EWSR1: variants seen among roughly 807,000 people sequenced by gnomAD.
EWSR1 encodes the protein RNA-binding protein EWS.
In EWSR1, 14 loss-of-function variants were observed where a neutral mutation model predicts 92.1. That is an observed-to-expected ratio of 0.15 (90% confidence interval 0.10 to 0.24). The LOEUF (loss-of-function observed/expected upper bound fraction) is 0.24. Among genes scored for constraint, EWSR1 ranks in the 10% least tolerant of loss-of-function variants. The pLI is 1.00. For synonymous variants in EWSR1, 303 were observed against 292.9 expected (o/e 1.03, Z -0.35); for missense variants, 637 against 870.9 (o/e 0.73, Z 3.38).
intron 4 of EWSR1, chr22:29,277,473 G>C (rs941021823): frequency 4.4e-6 from 1 of 226,328 alleles, no homozygotes; most frequent in African/African-American, 2.2e-5. Flanking sequence ...TTAAGCTTGT[G>C]CTTCACATGA....
intron 11 of EWSR1, among the ~76,000 whole-genome samples, chr22:29,294,209 C>T (rs1278721635): frequency 6.6e-6 from 1 of 152,108 alleles, no homozygotes; most frequent in Non-Finnish European, 1.5e-5. Flanking sequence ...AAAGGTCTTG[C>T]AAATTTTACT....
At chr22:29,292,967 C>T (rs1602496557) in intron 11 of EWSR1, among the ~76,000 whole-genome samples, 1 of 151,972 alleles carries the variant, frequency 6.6e-6, no homozygotes, top group East Asian at 1.9e-4. Context: ...GCAGGCGGGT[C>T]TCAAACTCCT....
intron 1 of EWSR1, among the ~76,000 whole-genome samples, chr22:29,271,085 C>T (rs1232479141): frequency 6.6e-6 from 1 of 152,168 alleles, no homozygotes; most frequent in Non-Finnish European, 1.5e-5. Flanking sequence ...GCTTTGGATT[C>T]CATGAAGTGG....
intron 6 of EWSR1, among the ~76,000 whole-genome samples, chr22:29,286,072 C>T (rs1210663693): frequency 6.6e-6 from 1 of 152,030 alleles, no homozygotes; most frequent in African/African-American, 2.4e-5. Context: ...ATCTCTTGAC[C>T]TCATGATGTG....
intron 6 of EWSR1, 47 bp from the exon 7 acceptor site, chr22:29,286,875 GC>G (rs1398243871): frequency 6.9e-7 from 1 of 1,442,724 alleles, no homozygotes; most frequent in South Asian, 1.2e-5. Flanking sequence ...GAAATAACAA[GC>G]CTCTTTCTAA....
At chr22:29,274,360 T>G in intron 4 of EWSR1, 1 of 1,541,274 alleles carries the variant, frequency 6.5e-7, no homozygotes, top group African/African-American at 1.4e-5. Context: ...CCTTTAGGTG[T>G]TTTCATTTGT....
In EWSR1 at chr22:29,296,929, G is replaced by A. The variant is rs564311239; in HGVS notation, c.1294+561G>A. Among the ~76,000 whole-genome samples the A allele has an allele frequency of 1.4e-4, 22 of 152,250 alleles. No homozygotes were observed. The South Asian group carries it at 4.6e-3, about 32-fold the overall frequency. ...GTTGTGGCACACTCCTATACCTATA[G>A]TACCAGCCACTCAGGAGGCTGAGGT... is the stretch of plus-strand genomic sequence containing the variant. On this transcript the variant is annotated intron_variant, in intron 12 of 16. Transcript: ENST00000397938.
intron 4 of EWSR1, among the ~76,000 whole-genome samples, 183 bp downstream of exon 4, chr22:29,274,047 A>G (rs543147591): frequency 1.5e-4 from 23 of 152,312 alleles, no homozygotes; most frequent in Non-Finnish European, 2.5e-4. Context: ...GAGATCTCCA[A>G]TAGAATGTGG....
At chr22:29,273,575 A>G (rs1211384918) in intron 3 of EWSR1, among the ~76,000 whole-genome samples, 166 bp from the exon 4 acceptor site, 1 of 152,154 alleles carries the variant, frequency 6.6e-6, no homozygotes, top group Non-Finnish European at 1.5e-5. Context: ...AAGGGATAAC[A>G]TTCATGATAC....
chr22:29,274,675 C>T (rs1259656229), intron 4 of EWSR1, among the ~76,000 whole-genome samples: 3 of 152,192 alleles, frequency 2.0e-5, no homozygotes, highest in African/African-American at 7.2e-5. Flanking sequence ...CTAGTCCAGA[C>T]ACATTTTATT....
chr22:29,283,608 T>G (rs1452791386), intron 6 of EWSR1, among the ~76,000 whole-genome samples: 1 of 149,442 alleles, frequency 6.7e-6, no homozygotes, highest in South Asian at 2.1e-4. Flanking sequence ...TTACTGCAGT[T>G]TCCACCTCCT....
chr22:29,280,864 T>G (rs1238097406), intron 5 of EWSR1, among the ~76,000 whole-genome samples: 82 of 12,388 alleles, frequency 6.6e-3, no homozygotes, highest in African/African-American at 0.011. Context: ...TGTGTGTTGT[T>G]TTTTTTTTTT....
Position 29,288,625 on chromosome 22 carries a change from C to G in EWSR1, c.813C>G (p.His271Gln). Residue 271 changes from histidine to glutamine, a missense_variant, in exon 8 of 17, where the codon CAC (histidine) becomes CAG (glutamine). This residue lies in a region of EWSR1 where 116 missense variants were observed against 167.8 expected (regional missense o/e 0.69). Coordinates refer to ENST00000397938, the MANE Select transcript of EWSR1 (RefSeq NM_005243.4). ...YGQQSSFRQD[H>Q]PSSMGVYGQE... ...CCTCAGGTTCATTCCGACAGGACCACCCCAGTAGCATGGGTGTTTATGGGC... is the reference window on the plus strand; with the variant it reads ...CCTCAGGTTCATTCCGACAGGACCAGCCCAGTAGCATGGGTGTTTATGGGC... 1 of 1,612,850 alleles carries G rather than the reference C, an allele frequency of 6.2e-7. No individual in the cohort carries two copies. Among genetic ancestry groups the G allele is most frequent in the African/African-American group, 1.3e-5 (1 of 74,994 alleles).
At chr22:29,290,258 T>G (rs1052214159) in intron 8 of EWSR1, 9 of 610,820 alleles carry the variant, frequency 1.5e-5, no homozygotes, top group Non-Finnish European at 2.5e-5. Flanking sequence ...CCCCCCTTTT[T>G]ATTGTGGTGT....
chr22:29,271,292 TTATC>T (rs1244261505), intron 1 of EWSR1, among the ~76,000 whole-genome samples: 3 of 152,218 alleles, frequency 2.0e-5, no homozygotes, highest in Non-Finnish European at 2.9e-5. Context: ...AAAACTAAAT[TTATC>T]TAACTTTAAT....
At chr22:29,298,173 T>A (rs2061015509) in intron 13 of EWSR1, among the ~76,000 whole-genome samples, 1 of 152,136 alleles carries the variant, frequency 6.6e-6, no homozygotes, top group South Asian at 2.1e-4. Context: ...TTATTCAGCT[T>A]TGGTTGTGTC....
At position 29,273,780 on chromosome 22, in the gene EWSR1, A is replaced by G. The variant is rs1356127473; in HGVS notation, c.142A>G (p.Thr48Ala). The G allele has an allele frequency of 4.3e-6, 7 of 1,613,822 alleles. No individual in the cohort carries two copies. The African/African-American group carries it at 9.3e-5, about 22-fold the overall frequency. The change falls in exon 4 of 17, where the codon ACT becomes GCT. Residue 48 changes from threonine to alanine, a missense_variant. Around this residue, in one of 5 missense-constraint regions of EWSR1, gnomAD observed 144 missense variants for 189.0 expected, o/e 0.76. Coordinates refer to ENST00000397938, the MANE Select transcript of EWSR1 (RefSeq NM_005243.4). ...AAGCTATGGAACCTATGGACAGCCC[A>G]CTGATGTCAGCTATACCCAGGCTCA... ...QQSYGTYGQP[T>A]DVSYTQAQTT... is the part of the protein sequence containing the mutation.
chr22:29,298,024 A>G (rs1569120472), intron 13 of EWSR1, 75 bp downstream of exon 13: 3 of 1,465,488 alleles, frequency 2.0e-6, no homozygotes, highest in Non-Finnish European at 1.8e-6. Flanking sequence ...CTTGATTATT[A>G]GAGTGAAGAA....
intron 3 of EWSR1, among the ~76,000 whole-genome samples, chr22:29,272,834 G>A (rs762917081): frequency 6.6e-6 from 1 of 152,184 alleles, no homozygotes; most frequent in Non-Finnish European, 1.5e-5. Context: ...AGTAAGTGGC[G>A]GGGTTAGCTC....
Sources: allele counts gnomAD v4.1 joint callset (sites outside exome capture counted in the v4.1 genomes callset), GRCh38; gene constraint gnomAD v4.1.1; regional missense constraint gnomAD v4.1.1; transcripts MANE v1.5; gene names NCBI Gene and HGNC (gene_info 2026-07-23, HGNC 2026-07-21).